The following ADGRL3 variants were observed in gnomAD, a reference collection of about 807,000 sequenced individuals.
ADGRL3 encodes the protein adhesion G protein-coupled receptor L3, also known as calcium-independent alpha-latrotoxin receptor 3.
In ADGRL3, 62 loss-of-function variants were observed where a neutral mutation model predicts 153.5. The ratio of observed to expected loss-of-function variants is 0.40; its 90% CI spans 0.33 to 0.50. ADGRL3 has a LOEUF of 0.50. ADGRL3 is among the 20% of genes least tolerant of loss of function. The pLI is 0.47. For missense variants in ADGRL3, 1,641 were observed against 1,859.4 expected, an observed-to-expected ratio of 0.88 and a Z score of 2.16; for synonymous variants, 710 against 672.5, an observed-to-expected ratio of 1.06 and a Z score of -0.86.
At chr4:61,711,872 T>C (rs930080194) in intron 6 of ADGRL3, among the ~76,000 whole-genome samples, 28 of 152,126 alleles carry the variant, frequency 1.8e-4, no homozygotes, top group Admixed American at 8.5e-4. Context: ...GAGAAAACTT[T>C]AGGTCAAGCT....
chr4:62,027,503 C>A (rs1308375714), intron 21 of ADGRL3, among the ~76,000 whole-genome samples: 4 of 151,954 alleles, frequency 2.6e-5, no homozygotes, highest in African/African-American at 9.7e-5. Flanking sequence ...CTAGTGATCA[C>A]CCCATTGGAC....
intron 5 of ADGRL3, among the ~76,000 whole-genome samples, chr4:61,652,296 G>A (rs2094288452): frequency 6.6e-6 from 1 of 151,996 alleles, no homozygotes; most frequent in Admixed American, 6.6e-5. Flanking sequence ...TTGAATTATA[G>A]AATTTTAGCA....
chr4:61,973,305 A>T (rs2099036149), intron 17 of ADGRL3, among the ~76,000 whole-genome samples: 1 of 152,060 alleles, frequency 6.6e-6, no homozygotes, highest in South Asian at 2.1e-4. Context: ...AGGGTTTTAC[A>T]TGGACAGAGT....
intron 8 of ADGRL3, among the ~76,000 whole-genome samples, chr4:61,749,698 C>G (rs1477078135): frequency 2.0e-5 from 3 of 149,492 alleles, no homozygotes; most frequent in Middle Eastern, 3.4e-3. Flanking sequence ...ATCACACTCT[C>G]GGGACTGTTG....
chr4:61,341,464 T>A (rs1055188673), intron 1 of ADGRL3, among the ~76,000 whole-genome samples: 2 of 151,442 alleles, frequency 1.3e-5, no homozygotes, highest in African/African-American at 2.4e-5. Flanking sequence ...TATCATATAT[T>A]TTTCTAGACT....
At chr4:61,865,689 T>G (rs1433191445) in intron 9 of ADGRL3, among the ~76,000 whole-genome samples, 1 of 152,174 alleles carries the variant, frequency 6.6e-6, no homozygotes, top group Non-Finnish European at 1.5e-5. Flanking sequence ...AAAACAGGTG[T>G]TTAGTGGGTT....
At chr4:61,582,473 A>G (rs1306790696) in intron 4 of ADGRL3, among the ~76,000 whole-genome samples, 3 of 152,052 alleles carry the variant, frequency 2.0e-5, no homozygotes, top group African/African-American at 7.2e-5. Context: ...TTTGCTGAGG[A>G]TAATGCCTTT....
chr4:61,240,828 T>G (rs1560378118), intron 1 of ADGRL3, among the ~76,000 whole-genome samples: 1 of 152,120 alleles, frequency 6.6e-6, no homozygotes, highest in African/African-American at 2.4e-5. Context: ...TTTATCTTGT[T>G]GATTACAATC....
intron 1 of ADGRL3, among the ~76,000 whole-genome samples, chr4:61,277,387 C>T (rs146146461): frequency 6.6e-6 from 1 of 152,252 alleles, no homozygotes; most frequent in African/African-American, 2.4e-5. Context: ...TATTATACGG[C>T]ATGACCCAGG....
chr4:61,380,797 A>G (rs1389830760), intron 1 of ADGRL3, among the ~76,000 whole-genome samples: 2 of 152,014 alleles, frequency 1.3e-5, no homozygotes, highest in Non-Finnish European at 2.9e-5. Context: ...CTAAATAATC[A>G]CATTGCTCAA....
At chr4:61,824,598 G>A (rs528494282) in intron 9 of ADGRL3, among the ~76,000 whole-genome samples, 50 of 152,206 alleles carry the variant, frequency 3.3e-4, no homozygotes, top group South Asian at 1.7e-3. Flanking sequence ...TGTGTTGGCT[G>A]TTACCACCAA....
At position 61,582,272 on chromosome 4, in the gene ADGRL3, C is replaced by T. The variant is rs1463573072; in HGVS notation, c.260-4955C>T. Among the ~76,000 whole-genome samples the T allele has an allele frequency of 2.6e-5, 4 of 151,962 alleles. No individual in the cohort carries two copies. The East Asian group carries it at 7.8e-4, about 29-fold the overall frequency. On this transcript the variant is annotated intron_variant, in intron 4 of 26. Transcript: ENST00000683033. Reference sequence around the variant, plus strand: ...AATGGTGCCATAGTTGTTTGCTGCACCTATCAGCCCATCACCTAGGTATTA... The same window carrying T: ...AATGGTGCCATAGTTGTTTGCTGCATCTATCAGCCCATCACCTAGGTATTA...
At chr4:61,640,729 T>C (rs1455013280) in intron 5 of ADGRL3, among the ~76,000 whole-genome samples, 1 of 152,194 alleles carries the variant, frequency 6.6e-6, no homozygotes, top group Non-Finnish European at 1.5e-5. Context: ...GCTAAGACAA[T>C]GAGACAATAT....
At chr4:62,036,432 A>C (rs1725036488) in intron 23 of ADGRL3, among the ~76,000 whole-genome samples, 1 of 151,962 alleles carries the variant, frequency 6.6e-6, no homozygotes, top group African/African-American at 2.4e-5. Flanking sequence ...ACCTGACCCT[A>C]TCTCTATCAT....
intron 17 of ADGRL3, among the ~76,000 whole-genome samples, chr4:61,971,653 A>G (rs2099028210): frequency 6.6e-6 from 1 of 152,140 alleles, no homozygotes. Context: ...CATGATTTAT[A>G]GTCCTTTGGG....
chr4:61,899,609 G>A (rs541480313), intron 11 of ADGRL3, among the ~76,000 whole-genome samples: 4 of 152,262 alleles, frequency 2.6e-5, no homozygotes, highest in African/African-American at 9.6e-5. Context: ...CCTGAAGGGT[G>A]AACCACTTCT....
intron 1 of ADGRL3, among the ~76,000 whole-genome samples, chr4:61,303,181 T>A (rs757905832): frequency 1.8e-4 from 27 of 152,322 alleles, no homozygotes; most frequent in Admixed American, 4.6e-4. Flanking sequence ...GGATAACTAA[T>A]TGCAAAGTAG....
At chr4:61,456,873 G>T (rs2097761862) in intron 2 of ADGRL3, among the ~76,000 whole-genome samples, 1 of 151,884 alleles carries the variant, frequency 6.6e-6, no homozygotes, top group Non-Finnish European at 1.5e-5. Flanking sequence ...ATTTCTTTTT[G>T]AGGTTTGATA....
chr4:61,251,969 C>T (rs893966576), intron 1 of ADGRL3, among the ~76,000 whole-genome samples: 1 of 151,500 alleles, frequency 6.6e-6, no homozygotes, highest in Non-Finnish European at 1.5e-5. Context: ...CTGCAACCTC[C>T]GCCTCCCAGG....
Sources: allele counts gnomAD v4.1 joint callset (sites outside exome capture counted in the v4.1 genomes callset), GRCh38; gene constraint gnomAD v4.1.1; transcripts MANE v1.5; gene names NCBI Gene and HGNC (gene_info 2026-07-23, HGNC 2026-07-21).